The following FOXO1 variants were observed in gnomAD, a reference collection of about 807,000 sequenced individuals.
The protein encoded by FOXO1 is forkhead box protein O1.
In FOXO1, 6 loss-of-function variants were observed where a neutral mutation model predicts 44.1. That is an observed-to-expected ratio of 0.14 (90% CI 0.07 to 0.27). The LOEUF is 0.27. Ranked by LOEUF, FOXO1 falls within the 10% of genes least tolerant of loss-of-function variation. The pLI, the probability that FOXO1 is intolerant of heterozygous loss-of-function variation, is 1.00. For missense variants in FOXO1, 737 were observed against 888.8 expected, an observed-to-expected ratio of 0.83 and a Z score of 2.17; for synonymous variants, 380 against 362.7, an observed-to-expected ratio of 1.05 and a Z score of -0.54.
intron 1 of FOXO1, among the ~76,000 whole-genome samples, chr13:40,603,789 G>A (rs1388989805): frequency 1.3e-5 from 2 of 152,148 alleles, no homozygotes; most frequent in African/African-American, 4.8e-5. Flanking sequence ...TTTTCCTAAA[G>A]ATAATTATTT....
chr13:40,648,737 C>A (rs1877585055), intron 1 of FOXO1, among the ~76,000 whole-genome samples: 1 of 152,076 alleles, frequency 6.6e-6, no homozygotes, highest in South Asian at 2.1e-4. Flanking sequence ...AGGTCATGCC[C>A]CATATCTGAC....
At chr13:40,653,378 A>AAG (rs1877748740) in intron 1 of FOXO1, among the ~76,000 whole-genome samples, 1 of 152,082 alleles carries the variant, frequency 6.6e-6, no homozygotes, top group African/African-American at 2.4e-5. Flanking sequence ...TCCTCACTCA[A>AAG]AGAGGGGTTT....
rs1423162655 is a variant in FOXO1, at chr13:40,611,893, C to T, written c.631-51033G>A. The stretch of plus-strand genomic sequence containing the variant: ...TTCAAAACTACCCTGGGCAACATGG[C>T]AAAACCCCGTCTCTACTGAAAATAC... On this transcript the variant is annotated intron_variant, in intron 1 of 2. Transcript: ENST00000379561. Among the ~76,000 whole-genome samples, 5 of 152,102 alleles carry T rather than the reference C, an allele frequency of 3.3e-5. No individual in the cohort carries two copies. In the East Asian group the frequency reaches 9.7e-4, roughly 29 times the overall value.
chr13:40,611,885 C>A (rs940298341), intron 1 of FOXO1, among the ~76,000 whole-genome samples: 1 of 152,046 alleles, frequency 6.6e-6, no homozygotes, highest in Non-Finnish European at 1.5e-5. Context: ...CTACCCTGGG[C>A]AACATGGCAA....
intron 1 of FOXO1, among the ~76,000 whole-genome samples, chr13:40,566,203 T>C (rs1024437910): frequency 1.3e-5 from 2 of 151,974 alleles, no homozygotes; most frequent in Non-Finnish European, 2.9e-5. Context: ...GGAAGCTCCA[T>C]GAAGGATGGT....
At chr13:40,580,330 A>C (rs759356073) in intron 1 of FOXO1, among the ~76,000 whole-genome samples, 6 of 152,156 alleles carry the variant, frequency 3.9e-5, no homozygotes, top group Non-Finnish European at 8.8e-5. Context: ...TTTTTCCAGG[A>C]AACAATATAT....
chr13:40,661,603 G>T (rs1878039270), intron 1 of FOXO1, among the ~76,000 whole-genome samples: 1 of 151,764 alleles, frequency 6.6e-6, no homozygotes, highest in South Asian at 2.1e-4. Flanking sequence ...AGCCTATCAA[G>T]GCTTTCTTTA....
At chr13:40,610,697 T>C (rs1462675071) in intron 1 of FOXO1, among the ~76,000 whole-genome samples, 3 of 152,210 alleles carry the variant, frequency 2.0e-5, no homozygotes, top group Admixed American at 2.0e-4. Context: ...CAAAGCTCTA[T>C]ACTACAATCC....
At chr13:40,579,353 G>A (rs1371388167) in intron 1 of FOXO1, among the ~76,000 whole-genome samples, 6 of 152,142 alleles carry the variant, frequency 3.9e-5, no homozygotes, top group African/African-American at 9.7e-5. Flanking sequence ...GACAATCCAC[G>A]CCAGGTCGGA....
At chr13:40,650,940 A>C (rs1877659906) in intron 1 of FOXO1, among the ~76,000 whole-genome samples, 2 of 152,078 alleles carry the variant, frequency 1.3e-5, no homozygotes, top group African/African-American at 4.8e-5. Context: ...TTTTTAGTAG[A>C]GACTGGGTTT....
chr13:40,587,390 A>G (rs916338385), intron 1 of FOXO1, among the ~76,000 whole-genome samples: 9 of 152,198 alleles, frequency 5.9e-5, no homozygotes, highest in South Asian at 2.1e-4. Flanking sequence ...AAATGACTGG[A>G]AAGTCCAGAT....
intron 1 of FOXO1, among the ~76,000 whole-genome samples, chr13:40,654,167 T>C (rs1877777693): frequency 6.6e-6 from 1 of 151,536 alleles, no homozygotes; most frequent in Non-Finnish European, 1.5e-5. Flanking sequence ...AAAGAATGAA[T>C]GACATCTTTA....
chr13:40,639,857 G>A (rs1305067814), intron 1 of FOXO1, among the ~76,000 whole-genome samples: 4 of 152,078 alleles, frequency 2.6e-5, no homozygotes, highest in South Asian at 2.1e-4. Context: ...AAAAATCTTC[G>A]AAAATAAAAC....
chr13:40,595,488 A>G (rs2755219), intron 1 of FOXO1, among the ~76,000 whole-genome samples: 62,020 of 151,944 alleles, frequency 0.41, 13,805 homozygotes, highest in East Asian at 0.73. Context: ...AAACTGACAC[A>G]TGATAATTAA....
At position 40,618,655 on chromosome 13, in the gene FOXO1, A is replaced by C. The variant is rs933992080; in HGVS notation, c.630+46928T>G. 16 of 375,626 alleles carry C rather than the reference A, an allele frequency of 4.3e-5. No individual in the cohort carries two copies. In the East Asian group the frequency reaches 1.0e-3, roughly 25 times the overall value. The allele number at this position is 375,626 out of a possible 1,614,324, so 23.3% of individuals were successfully genotyped here. Reference sequence around the variant, plus strand: ...GGAAGAGATGGACAGCTCTCCAAAAAGGCACAAACAATTGAAGGATGGATA... The same window carrying C: ...GGAAGAGATGGACAGCTCTCCAAAACGGCACAAACAATTGAAGGATGGATA... On this transcript the variant is annotated intron_variant, in intron 1 of 2. Coordinates refer to ENST00000379561, the MANE Select transcript of FOXO1 (RefSeq NM_002015.4).
chr13:40,626,149 GA>G (rs1189196468), intron 1 of FOXO1, among the ~76,000 whole-genome samples: 1 of 152,020 alleles, frequency 6.6e-6, no homozygotes, highest in Non-Finnish European at 1.5e-5. Context: ...GGCTATTTAA[GA>G]AAACATCTAA....
At chr13:40,574,919 C>T (rs1292330587) in intron 1 of FOXO1, among the ~76,000 whole-genome samples, 1 of 152,094 alleles carries the variant, frequency 6.6e-6, no homozygotes, top group Non-Finnish European at 1.5e-5. Context: ...ATATTTTGTT[C>T]GAAAATTGCT....
chr13:40,665,638 T>C lies in FOXO1; in HGVS notation c.575A>G (p.Lys192Arg). 3 of 1,512,964 alleles carry C rather than the reference T, an allele frequency of 2.0e-6. No individual in the cohort carries two copies. Among genetic ancestry groups the C allele is most frequent in the Non-Finnish European group, 2.7e-6 (3 of 1,121,706 alleles). 93.7% of individuals were successfully genotyped at this position (1,512,964 alleles called of 1,614,324 possible). ...TLSQIYEWMV[K>R]SVPYFKDKGD... ...CTTATCCTTGAAGTAGGGCACGCTC[T>C]TGACCATCCACTCGTAGATCTGCGA... Residue 192 changes from lysine to arginine, a missense_variant, in exon 1 of 3, where the codon AAG (lysine) becomes AGG (arginine). Transcript: ENST00000379561.
intron 1 of FOXO1, among the ~76,000 whole-genome samples, chr13:40,582,910 C>G (rs1875011025): frequency 6.6e-6 from 1 of 152,208 alleles, no homozygotes; most frequent in Non-Finnish European, 1.5e-5. Flanking sequence ...AATGCTAAAT[C>G]CTTTCTTGAA....
Sources: gnomAD v4.1 joint callset for allele counts (sites outside exome capture counted in the v4.1 genomes callset) on GRCh38, gnomAD v4.1.1 for gene constraint, MANE v1.5 for transcripts, NCBI Gene and HGNC (gene_info 2026-07-23, HGNC 2026-07-21) for gene names.